GRID2: variants seen among roughly 807,000 people sequenced by gnomAD.
The protein encoded by GRID2 is glutamate receptor ionotropic, delta-2.
A neutral mutation model predicts 114.8 loss-of-function variants in GRID2; 33 were observed. The observed-to-expected ratio is 0.29, with a 90% CI of 0.22 to 0.38. GRID2 has a LOEUF of 0.38. Ranked by LOEUF, GRID2 falls within the 10% of genes least tolerant of loss-of-function variation. The pLI is 1.00. For synonymous variants in GRID2, 505 were observed against 449.9 expected, an observed-to-expected ratio of 1.12 and a Z score of -1.55; for missense variants, 1,184 against 1,257.7, an observed-to-expected ratio of 0.94 and a Z score of 0.89.
chr4:93,770,878 G>A (rs780677286), intron 15 of GRID2, among the ~76,000 whole-genome samples: 3 of 152,096 alleles, frequency 2.0e-5, no homozygotes, highest in Non-Finnish European at 4.4e-5. Context: ...AAAATTATAT[G>A]TCTCAATCCT....
At chr4:93,241,577 A>G (rs1747517229) in intron 8 of GRID2, among the ~76,000 whole-genome samples, 1 of 151,838 alleles carries the variant, frequency 6.6e-6, no homozygotes, top group Non-Finnish European at 1.5e-5. Flanking sequence ...ACCACCTTGC[A>G]TAAGGGTTTT....
At chr4:93,762,834 A>G (rs73839684) in intron 14 of GRID2, among the ~76,000 whole-genome samples, 2 of 152,084 alleles carry the variant, frequency 1.3e-5, no homozygotes, top group African/African-American at 4.8e-5. Flanking sequence ...GGGTTAGAGC[A>G]TATGGACCTG....
intron 2 of GRID2, among the ~76,000 whole-genome samples, chr4:92,958,304 T>A (rs1752564003): frequency 6.6e-6 from 1 of 152,074 alleles, no homozygotes; most frequent in Admixed American, 6.6e-5. Context: ...TTTATCAGTT[T>A]GAGCAAGTTC....
At position 93,772,299 on chromosome 4, in the gene GRID2, G is replaced by T; in HGVS notation, c.2825G>T (p.Arg942Leu). 1 of 1,614,008 alleles carries T rather than the reference G, an allele frequency of 6.2e-7. No individual in the cohort carries two copies. ...CCAGAGCAGATCCAGACTCTTAGCC[G>T]CACACTGTCAGCTAAAGCTGCTTCT... ...FIPEQIQTLS[R>L]TLSAKAASGF... Residue 942 changes from arginine (R) to leucine (L), a missense_variant, in exon 16 of 16, where the codon CGC (arginine) becomes CTC (leucine). Physicochemically the swap from Arg to Leu is moderately radical, Grantham distance 102. This residue lies in a region of GRID2 where 717 missense variants were observed against 796.9 expected (regional missense o/e 0.90). Transcript: ENST00000282020.
intron 9 of GRID2, among the ~76,000 whole-genome samples, chr4:93,405,110 T>G (rs1023160721): frequency 6.6e-6 from 1 of 152,136 alleles, no homozygotes; most frequent in Non-Finnish European, 1.5e-5. Context: ...TTTTTATTAT[T>G]GAAACAGTGT....
chr4:93,087,012 A>G (rs1025175493), intron 3 of GRID2, among the ~76,000 whole-genome samples: 3 of 123,120 alleles, frequency 2.4e-5, no homozygotes, highest in Non-Finnish European at 5.1e-5. Flanking sequence ...TAGTACTATG[A>G]AAGTGATTTA....
At chr4:93,240,212 A>G (rs1291482063) in intron 8 of GRID2, among the ~76,000 whole-genome samples, 5 of 151,670 alleles carry the variant, frequency 3.3e-5, no homozygotes, top group Non-Finnish European at 1.5e-5. Flanking sequence ...AGATAACATC[A>G]AACCCATTTT....
chr4:93,285,882 T>C (rs4693311), intron 8 of GRID2, among the ~76,000 whole-genome samples: 91,359 of 151,540 alleles, frequency 0.6, 27,912 homozygotes, highest in Middle Eastern at 0.78. Context: ...AATCCTGCAC[T>C]CTGAATTTGA....
intron 2 of GRID2, among the ~76,000 whole-genome samples, chr4:92,626,943 A>T (rs1339040352): frequency 1.3e-5 from 2 of 152,114 alleles, no homozygotes; most frequent in African/African-American, 4.8e-5. Context: ...TCAGGAGAAA[A>T]GGGAAACATA....
intron 2 of GRID2, among the ~76,000 whole-genome samples, chr4:92,730,874 A>G (rs1314268945): frequency 6.6e-6 from 1 of 150,892 alleles, no homozygotes; most frequent in Non-Finnish European, 1.5e-5. Flanking sequence ...TAACTCATCT[A>G]TCTATCAAAA....
intron 2 of GRID2, among the ~76,000 whole-genome samples, chr4:92,941,495 T>C (rs1412561445): frequency 6.6e-6 from 1 of 152,148 alleles, no homozygotes; most frequent in Non-Finnish European, 1.5e-5. Context: ...TTCTATCAAT[T>C]TTGTTGATCT....
In GRID2 at chr4:92,572,023, TA is replaced by T. The variant is rs1727648702; in HGVS notation, c.89-18106del. Among the ~76,000 whole-genome samples the T allele has an allele frequency of 1.1e-4, 17 of 151,762 alleles. No individual in the cohort carries two copies. The South Asian group carries it at 3.5e-3, about 32-fold the overall frequency. The stretch of plus-strand genomic sequence containing the variant: ...TCAAAAGCTAGCAGAAAGCAAGAAA[TA>T]ACTAAGATCAGAGCAGAACTGAAGG... On this transcript the variant is annotated intron_variant, in intron 1 of 15. Transcript: ENST00000282020.
At chr4:92,424,035 T>C (rs1732033169) in intron 1 of GRID2, among the ~76,000 whole-genome samples, 1 of 152,116 alleles carries the variant, frequency 6.6e-6, no homozygotes, top group Non-Finnish European at 1.5e-5. Flanking sequence ...TCTGAGATGA[T>C]ATTACATAGT....
chr4:92,460,032 C>CTATATATATATATATATATATA (rs373743453), intron 1 of GRID2, among the ~76,000 whole-genome samples: 718 of 48,252 alleles, frequency 0.015, 69 homozygotes, highest in Middle Eastern at 0.037. Context: ...ATAAATCTCA[C>CTATATATATATATATATATATA]TATATATATA....
intron 2 of GRID2, among the ~76,000 whole-genome samples, chr4:92,723,725 C>T (rs1189885136): frequency 6.6e-6 from 1 of 151,962 alleles, no homozygotes; most frequent in Non-Finnish European, 1.5e-5. Flanking sequence ...AGCCACTTTC[C>T]CTGGTTCTGC....
chr4:93,592,827 C>T (rs1165540438), intron 13 of GRID2, among the ~76,000 whole-genome samples: 1 of 152,118 alleles, frequency 6.6e-6, no homozygotes, highest in Non-Finnish European at 1.5e-5. Context: ...TTCTTTGTCT[C>T]TTTTGATCTT....
intron 2 of GRID2, among the ~76,000 whole-genome samples, chr4:92,781,175 G>C (rs1268139914): frequency 6.6e-6 from 1 of 152,050 alleles, no homozygotes; most frequent in Admixed American, 6.6e-5. Context: ...GAACCTGGGA[G>C]GCAGAGGTTT....
At position 93,216,930 on chromosome 4, in the gene GRID2, G is replaced by A. The variant is rs1305759336; in HGVS notation, c.963+19G>A. 6.4e-7 allele frequency: 1 copy of A among 1,573,516 alleles called. No individual in the cohort carries two copies. Among genetic ancestry groups the A allele is most frequent in the African/African-American group, 1.3e-5 (1 of 74,124 alleles). ...TATGGAGGTATATTATAAATGACAG[G>A]ATATTTCTTCCAGGGTGCTTTGTTG... is the stretch of plus-strand genomic sequence containing the variant. On this transcript the variant is annotated intron_variant, in intron 6 of 15. Coordinates refer to ENST00000282020, the MANE Select transcript of GRID2 (RefSeq NM_001510.4).
intron 1 of GRID2, among the ~76,000 whole-genome samples, chr4:92,503,746 G>T (rs769835726): frequency 7.9e-5 from 12 of 152,124 alleles, no homozygotes; most frequent in South Asian, 4.1e-4. Context: ...TTAATGCCAG[G>T]AATTATTTTT....
Sources: allele counts gnomAD v4.1 joint callset (sites outside exome capture counted in the v4.1 genomes callset), GRCh38; gene constraint gnomAD v4.1.1; regional missense constraint gnomAD v4.1.1; transcripts MANE v1.5; gene names NCBI Gene and HGNC (gene_info 2026-07-23, HGNC 2026-07-21).